Variants in CASP1 observed in about 807,000 individuals in gnomAD.
CASP1 encodes the protein caspase 1, also known as caspase-1.
CASP1 carries 31 observed loss-of-function variants against 41.2 expected under a neutral mutation model. That is an observed-to-expected ratio of 0.75 (90% CI 0.57 to 1.02). CASP1 has a LOEUF of 1.02. CASP1 is among the 50% of genes least tolerant of loss of function. The pLI, the probability that CASP1 is intolerant of heterozygous loss-of-function variation, is 0.00. For synonymous variants in CASP1, 163 were observed against 166.5 expected, an observed-to-expected ratio of 0.98 and a Z score of 0.16; for missense variants, 490 against 495.7, an observed-to-expected ratio of 0.99 and a Z score of 0.11.
chr11:105,032,346 A>G (rs113337212), intron 3 of CASP1, among the ~76,000 whole-genome samples: 15 of 152,334 alleles, frequency 9.8e-5, no homozygotes, highest in African/African-American at 3.6e-4. Context: ...CTATTTTTTC[A>G]TAGTAGAGAA....
At position 105,029,231 on chromosome 11, in the gene CASP1, C is replaced by T; in HGVS notation, c.899G>A (p.Gly300Glu). ...PGVVWFKDSV[G>E]VSGNLSLPTT... ...TGGTAAAGATAGGTTTCCAGAAACT[C>T]CTACTGAATCTTTAAACCACACCAC... Residue 300 changes from glycine to glutamate, a missense_variant, in exon 7 of 9, where the codon GGA becomes GAA. Coordinates refer to ENST00000533400, the MANE Select transcript of CASP1 (RefSeq NM_001257118.3). 6.2e-7 allele frequency: 1 copy of T among 1,613,112 alleles called. No homozygotes were observed.
chr11:105,032,541 A>G (rs758229634), intron 3 of CASP1, among the ~76,000 whole-genome samples: 16 of 152,144 alleles, frequency 1.1e-4, no homozygotes, highest in Admixed American at 1.0e-3. Flanking sequence ...GGGTTCTTTA[A>G]TAAAATAATA....
intron 7 of CASP1, among the ~76,000 whole-genome samples, chr11:105,028,049 G>C (rs1863432208): frequency 6.6e-6 from 1 of 152,064 alleles, no homozygotes; most frequent in South Asian, 2.1e-4. Context: ...ATGTCATGTG[G>C]AAGGCTGGGA....
chr11:105,031,408 A>G (rs902927434), intron 3 of CASP1, 128 bp from the exon 4 acceptor site: 1 of 549,242 alleles, frequency 1.8e-6, no homozygotes, highest in Non-Finnish European at 3.3e-6. Context: ...ATCCTGATCT[A>G]CATCATTAAC....
Position 105,029,832 on chromosome 11 carries a change from A to G in CASP1, c.695T>C (p.Leu232Pro). The G allele has an allele frequency of 6.2e-7, 1 of 1,613,838 alleles. No individual in the cohort carries two copies. Among genetic ancestry groups the G allele is most frequent in the South Asian group, 1.1e-5 (1 of 91,086 alleles). ...PEHKTSDSTF[L>P]VFMSHGIREG... The stretch of plus-strand genomic sequence containing the variant: ...CCGAATACCATGAGACATGAACACC[A>G]GGAACGTGCTGTCAGAGGTCTTGTG... Residue 232 changes from leucine (L) to proline (P), a missense_variant, in exon 6 of 9, where the codon CTG (leucine) becomes CCG (proline). Physicochemically the swap from Leu to Pro is moderately conservative, Grantham distance 98. Coordinates refer to ENST00000533400, the MANE Select transcript of CASP1 (RefSeq NM_001257118.3).
chr11:105,027,452 G>A (rs1413425786), intron 7 of CASP1, among the ~76,000 whole-genome samples: 4 of 151,870 alleles, frequency 2.6e-5, no homozygotes, highest in African/African-American at 9.7e-5. Context: ...GAGTAGATAA[G>A]GAAATAAGCA....
chr11:105,035,857 G>A (rs569811090), upstream of CASP1, among the ~76,000 whole-genome samples: 5 of 152,002 alleles, frequency 3.3e-5, no homozygotes, highest in South Asian at 1.0e-3. Flanking sequence ...CTCAAGCAAT[G>A]TGCCCACCTT....
rs763558180 is a variant in CASP1 at position 105,026,848 on chromosome 11, G to A, written c.1110C>T (p.Phe370=). The change falls in exon 8 of 9, where the codon TTC becomes TTT. Residue 370 remains phenylalanine (F), a synonymous_variant. Coordinates refer to ENST00000533400, the MANE Select transcript of CASP1 (RefSeq NM_001257118.3). ...GCATCCACTAGCATCTTACCTTGCG[G>A]AAAATTTCCTCCACATCACAGGAAC... The part of the protein sequence containing the change: ...YACSCDVEEI[F]RKVRFSFEQP... 1 of 1,574,598 alleles carries A rather than the reference G, an allele frequency of 6.4e-7. No homozygotes were observed. Among genetic ancestry groups the A allele is most frequent in the South Asian group, 1.1e-5 (1 of 90,256 alleles).
At chr11:105,027,007 A>C in intron 7 of CASP1, 56 bp from the exon 8 acceptor site, 1 of 967,172 alleles carries the variant, frequency 1.0e-6, no homozygotes, top group South Asian at 1.3e-5. Context: ...AAGAAAGAGA[A>C]GAAACCCTAG....
In CASP1 at chr11:105,030,521, T is replaced by G; in HGVS notation, c.454-18A>C. 1 of 1,604,880 alleles carries G rather than the reference T, an allele frequency of 6.2e-7. No homozygotes were observed. Among genetic ancestry groups the G allele is most frequent in the Non-Finnish European group, 8.5e-7 (1 of 1,174,332 alleles). ...GGATAAATCTGTAGGAAATGCAATTTGAATGAACAGCCTTGTTCTTTCCAA... is the reference window on the plus strand; with the variant it reads ...GGATAAATCTGTAGGAAATGCAATTGGAATGAACAGCCTTGTTCTTTCCAA... On this transcript the variant is annotated intron_variant, in intron 4 of 8. Coordinates refer to ENST00000533400, the MANE Select transcript of CASP1 (RefSeq NM_001257118.3).
upstream of CASP1, among the ~76,000 whole-genome samples, chr11:105,035,596 T>G (rs1863966573): frequency 6.6e-6 from 1 of 150,508 alleles, no homozygotes; most frequent in African/African-American, 2.4e-5. Context: ...TGTCCTTCTT[T>G]TCACATTGCT....
In CASP1 at chr11:105,025,633, CAT is replaced by C. The variant is rs1203937200; in HGVS notation, c.*623_*624del. 7 of 363,052 alleles carry C rather than the reference CAT, an allele frequency of 1.9e-5. No individual in the cohort carries two copies. In the East Asian group the frequency reaches 6.0e-4, roughly 31 times the overall value. The allele number at this position is 363,052 out of a possible 1,614,324, so 22.5% of individuals were successfully genotyped here. Reference sequence around the variant, plus strand: ...AAAAAGAAATAATTAAAAAAAAAAACATAGGAAAGAATTTTGTTAAAGACATG... The same window carrying C: ...AAAAAGAAATAATTAAAAAAAAAAACAGGAAAGAATTTTGTTAAAGACATG... On this transcript the variant is annotated 3_prime_UTR_variant, in exon 9 of 9. Coordinates refer to ENST00000533400, the MANE Select transcript of CASP1 (RefSeq NM_001257118.3).
intron 3 of CASP1, 30 bp from the exon 4 acceptor site, chr11:105,031,310 T>C (rs751558009): frequency 5.5e-6 from 7 of 1,265,580 alleles, no homozygotes; most frequent in Non-Finnish European, 8.1e-6. Context: ...TCATGAACAG[T>C]GGCATCCCTG....
chr11:105,027,017 G>T, intron 7 of CASP1, 66 bp from the exon 8 acceptor site: 1 of 884,134 alleles, frequency 1.1e-6, no homozygotes, highest in Non-Finnish European at 1.9e-6. Flanking sequence ...AGAAACCCTA[G>T]TATTTATACT....
In CASP1 at chr11:105,031,209, AGC is replaced by A; in HGVS notation, c.407_408del (p.Cys136PhefsTer35). The part of the protein sequence containing the change: ...SSGSEGNVKL[C>X]SLEEAQRIWK... ...CATATCCTTTGAGCTTCTTCTAGGG[AGC>A]AAAGCTTGACATTCCCTTCTGAGCC... On this transcript the variant is annotated frameshift_variant, in exon 4 of 9. Coordinates refer to ENST00000533400, the MANE Select transcript of CASP1 (RefSeq NM_001257118.3). LOFTEE classifies it high-confidence loss of function. 1 of 1,612,892 alleles carries A rather than the reference AGC, an allele frequency of 6.2e-7. No individual in the cohort carries two copies. Among genetic ancestry groups the A allele is most frequent in the Non-Finnish European group, 8.5e-7 (1 of 1,179,196 alleles).
chr11:105,025,715 C>G lies in CASP1; in HGVS notation c.*543G>C, dbSNP rs749793348. ...ACATACACAATTTTAAAAGGAAAGA[C>G]CACATGCTATGTTTAAATATACCCT... On this transcript the variant is annotated 3_prime_UTR_variant, in exon 9 of 9. Transcript: ENST00000533400. 1.2e-4 allele frequency: 37 copies of G among 314,364 alleles called. No individual in the cohort carries two copies. The highest frequency in any genetic ancestry group is 2.2e-4 in the Admixed American group (5 of 22,902). The allele number at this position is 314,364 out of a possible 1,614,324, so 19.5% of individuals were successfully genotyped here.
rs1404359326 is a variant in CASP1 at position 105,031,742 on chromosome 11, C to T, written c.338-462G>A. Among the ~76,000 whole-genome samples the T allele has an allele frequency of 2.6e-5, 4 of 152,136 alleles. No homozygotes were observed. The East Asian group carries it at 7.7e-4, about 29-fold the overall frequency. ...TCTTTTTATTTATTTACTTAATATA[C>T]ATGGTAGTAAGCACTAGGAATATTT... On this transcript the variant is annotated intron_variant, in intron 3 of 8. Coordinates refer to ENST00000533400, the MANE Select transcript of CASP1 (RefSeq NM_001257118.3).
intron 7 of CASP1, 30 bp downstream of exon 7, chr11:105,029,094 A>G (rs749558852): frequency 1.2e-6 from 2 of 1,601,008 alleles, no homozygotes; most frequent in Admixed American, 1.7e-5. Flanking sequence ...GATAGCCCCA[A>G]CAAAGATGTC....
At position 105,026,135 on chromosome 11, in the gene CASP1, T is replaced by G; in HGVS notation, c.*123A>C. 1 of 599,422 alleles carries G rather than the reference T, an allele frequency of 1.7e-6. No individual in the cohort carries two copies. The highest frequency in any genetic ancestry group is 2.9e-6 in the Non-Finnish European group (1 of 341,254). The allele number at this position is 599,422 out of a possible 1,614,324, so 37.1% of individuals were successfully genotyped here. A position where few individuals can be genotyped will look rare whatever the true frequency, so the allele number is the denominator to read the frequency against. ...AAAATTCAAATTTTTGGATTAAGGATTCTCAGCCTGTAAACCTAGAGTTCT... is the reference window on the plus strand; with the variant it reads ...AAAATTCAAATTTTTGGATTAAGGAGTCTCAGCCTGTAAACCTAGAGTTCT... On this transcript the variant is annotated 3_prime_UTR_variant, in exon 9 of 9. Transcript: ENST00000533400.
Sources: allele counts gnomAD v4.1 joint callset (sites outside exome capture counted in the v4.1 genomes callset), GRCh38; gene constraint gnomAD v4.1.1; transcripts MANE v1.5; gene names NCBI Gene and HGNC (gene_info 2026-07-23, HGNC 2026-07-21).